Variants in MYEF2 observed in about 807,000 individuals in gnomAD.
MYEF2 encodes myelin gene expression factor 2.
In MYEF2, 37 loss-of-function variants were observed where a neutral mutation model predicts 75.2. The observed-to-expected ratio is 0.49, with a 90% confidence interval of 0.38 to 0.65. The LOEUF is 0.65. Among genes scored for constraint, MYEF2 ranks in the 30% least tolerant of loss-of-function variants. The pLI, the probability that MYEF2 is intolerant of heterozygous loss-of-function variation, is 0.00. For missense variants in MYEF2, 634 were observed against 771.4 expected, an observed-to-expected ratio of 0.82 and a Z score of 2.11; for synonymous variants, 195 against 241.6, an observed-to-expected ratio of 0.81 and a Z score of 1.79.
chr15:48,163,571 T>G (rs2040029896), intron 5 of MYEF2, among the ~76,000 whole-genome samples: 1 of 152,176 alleles, frequency 6.6e-6, no homozygotes, highest in Non-Finnish European at 1.5e-5. Context: ...CACTAAACAA[T>G]AGATTTTCAG....
rs956081681 is a variant in MYEF2, at chr15:48,141,190, G to T, written c.*1718C>A. 1 of 1,613,640 alleles carries T rather than the reference G, an allele frequency of 6.2e-7. No homozygotes were observed. Among genetic ancestry groups the T allele is most frequent in the African/African-American group, 1.3e-5 (1 of 74,906 alleles). On this transcript the variant is annotated 3_prime_UTR_variant, in exon 17 of 17. Transcript: ENST00000324324. ...AGGAACAAGCATACCAGACACAATT[G>T]CAAGTGTGTTGGTTGCAAGAAAAGG...
chr15:48,178,202 G>A lies in MYEF2; in HGVS notation c.36C>T (p.Ala12=). The change falls in exon 1 of 17, where the codon GCC becomes GCT. Residue 12 remains alanine (A), a synonymous_variant. Coordinates refer to ENST00000324324, the MANE Select transcript of MYEF2 (RefSeq NM_016132.5). ...ADANKAEVPG[A]TGGDSPHLQP... ...GCAGGTGCGGGCTGTCGCCACCAGT[G>A]GCCCCGGGCACCTCGGCCTTGTTGG... The A allele has an allele frequency of 6.7e-7, 1 of 1,495,888 alleles. No individual in the cohort carries two copies. Among genetic ancestry groups the A allele is most frequent in the South Asian group, 1.3e-5 (1 of 77,846 alleles). The allele number at this position is 1,495,888 out of a possible 1,614,324, so 92.7% of individuals were successfully genotyped here.
chr15:48,166,191 G>T, intron 3 of MYEF2, 63 bp from the exon 4 acceptor site: 1 of 1,314,134 alleles, frequency 7.6e-7, no homozygotes, highest in Non-Finnish European at 1.1e-6. Context: ...AGTACATGAA[G>T]TTAATAATCA....
intron 10 of MYEF2, 70 bp from the exon 11 acceptor site, chr15:48,152,354 T>C (rs2039522985): frequency 6.0e-6 from 8 of 1,322,472 alleles, no homozygotes; most frequent in Non-Finnish European, 8.6e-6. Flanking sequence ...ATATAATGCA[T>C]TATAGCAAAA....
intron 1 of MYEF2, chr15:48,169,950 A>C (rs2040265925): frequency 6.6e-6 from 1 of 152,164 alleles, no homozygotes; most frequent in Non-Finnish European, 1.5e-5. Context: ...ATAATACCGT[A>C]ATCACAATGC....
chr15:48,152,570 CT>C (rs1567248735), intron 10 of MYEF2: 10 of 329,826 alleles, frequency 3.0e-5, no homozygotes, highest in Non-Finnish European at 4.9e-5. Flanking sequence ...TAATCATTCA[CT>C]TTTTTTTCCA....
intron 12 of MYEF2, 45 bp downstream of exon 12, chr15:48,151,813 AAATATTAATAATAGGG>A: frequency 6.4e-7 from 1 of 1,556,494 alleles, no homozygotes; most frequent in East Asian, 2.2e-5. Context: ...TATAGGGGGG[AAATATTAATAATAGGG>A]AAAACTAAAT....
chr15:48,156,740 A>G (rs1321777919), intron 9 of MYEF2, among the ~76,000 whole-genome samples: 2 of 152,010 alleles, frequency 1.3e-5, no homozygotes, highest in Non-Finnish European at 2.9e-5. Flanking sequence ...AAGAAACTAG[A>G]GCTACATCTA....
chr15:48,136,486 T>C lies in MYEF2; in HGVS notation c.*6422A>G. On this transcript the variant is annotated 3_prime_UTR_variant, in exon 17 of 17. Coordinates refer to ENST00000324324, the MANE Select transcript of MYEF2 (RefSeq NM_016132.5). ...TAAAAAAAAAAAAACAACACAGAAG[T>C]GTCCAGCTTTTATCAATAAACATAA... The C allele has an allele frequency of 2.3e-6, 1 of 426,586 alleles. No individual in the cohort carries two copies. Among genetic ancestry groups the C allele is most frequent in the Non-Finnish European group, 4.0e-6 (1 of 250,678 alleles). 26.4% of individuals were successfully genotyped at this position (426,586 alleles called of 1,614,324 possible).
intron 9 of MYEF2, chr15:48,157,325 A>C (rs1452899563): frequency 6.6e-6 from 1 of 152,154 alleles, no homozygotes; most frequent in Admixed American, 6.6e-5. Context: ...ACACTGTTAT[A>C]GTCATTTTGG....
intron 12 of MYEF2, 47 bp from the exon 13 acceptor site, chr15:48,151,618 A>G (rs764314057): frequency 2.0e-6 from 3 of 1,484,502 alleles, no homozygotes; most frequent in South Asian, 2.4e-5. Flanking sequence ...ATATCAATAC[A>G]TGTTGAAAAC....
chr15:48,158,653 G>A, intron 7 of MYEF2, 116 bp downstream of exon 7: 5 of 1,245,132 alleles, frequency 4.0e-6, no homozygotes, highest in Non-Finnish European at 5.7e-6. Flanking sequence ...GGAGACTAAA[G>A]TCTAACACAC....
intron 1 of MYEF2, 150 bp downstream of exon 1, chr15:48,177,927 G>T: frequency 9.1e-7 from 1 of 1,096,914 alleles, no homozygotes; most frequent in Non-Finnish European, 1.3e-6. Context: ...GAGCGGCCCA[G>T]CTGCACCTGC....
At position 48,157,903 on chromosome 15, in the gene MYEF2, G is replaced by A. The variant is rs533411343; in HGVS notation, c.985+90C>T. 29 of 1,564,052 alleles carry A rather than the reference G, an allele frequency of 1.9e-5. 1 individual carries two copies. In the South Asian group the frequency reaches 3.4e-4, roughly 18 times the overall value. On this transcript the variant is annotated intron_variant, in intron 9 of 16. Transcript: ENST00000324324. ...CTAATCCCAAATTGTGAGAAACTAG[G>A]ATGTAGGCACAAAAACAAAGTGTTG...
Position 48,166,138 on chromosome 15 carries a change from G to A in MYEF2, c.424-10C>T. The A allele has an allele frequency of 6.4e-7, 1 of 1,562,984 alleles. No individual in the cohort carries two copies. The highest frequency in any genetic ancestry group is 2.3e-5 in the East Asian group (1 of 44,430). ...TTTCTTACCCACAACCCTATATCCA[G>A]GTAGATTTGTCAAAATATGCAAAAG... On this transcript the variant is annotated splice_polypyrimidine_tract_variant and intron_variant, in intron 3 of 16. Transcript: ENST00000324324.
intron 12 of MYEF2, 136 bp from the exon 13 acceptor site, chr15:48,151,707 C>T (rs2039498050): frequency 9.0e-7 from 1 of 1,116,958 alleles, no homozygotes; most frequent in South Asian, 1.4e-5. Context: ...CAATTTACCT[C>T]ACATGCCACA....
At position 48,141,959 on chromosome 15, in the gene MYEF2, T is replaced by G; in HGVS notation, c.*949A>C. On this transcript the variant is annotated 3_prime_UTR_variant, in exon 17 of 17. Coordinates refer to ENST00000324324, the MANE Select transcript of MYEF2 (RefSeq NM_016132.5). ...AACAAAAAAGTATCCAGTGTTTCTT[T>G]TCTTATGAAGATTATTAATAAAACA... 1 of 1,169,260 alleles carries G rather than the reference T, an allele frequency of 8.6e-7. No homozygotes were observed. The highest frequency in any genetic ancestry group is 2.2e-5 in the South Asian group (1 of 44,662). The allele number at this position is 1,169,260 out of a possible 1,614,324, so 72.4% of individuals were successfully genotyped here.
rs1274142347 is a variant in MYEF2 at position 48,135,048 on chromosome 15, A to AT, written c.*7859dup. On this transcript the variant is annotated 3_prime_UTR_variant, in exon 17 of 17. Transcript: ENST00000324324. ...TTTATGAATTTCTGATGGTTCAGTA[A>AT]TTTTTTTTCAGAAATGTTATTTCAG... is the stretch of plus-strand genomic sequence containing the variant. 37 of 1,305,820 alleles carry AT rather than the reference A, an allele frequency of 2.8e-5. No individual in the cohort carries two copies. The highest frequency in any genetic ancestry group is 5.0e-5 in the South Asian group (4 of 80,082). 80.9% of individuals were successfully genotyped at this position (1,305,820 alleles called of 1,614,324 possible).
At chr15:48,166,077 A>G in intron 4 of MYEF2, 44 bp downstream of exon 4, 2 of 1,579,342 alleles carry the variant, frequency 1.3e-6, no homozygotes, top group Non-Finnish European at 1.7e-6. Context: ...ATTTTTTTCC[A>G]AAGTTTAATT....
Sources: allele counts gnomAD v4.1 joint callset (sites outside exome capture counted in the v4.1 genomes callset), GRCh38; gene constraint gnomAD v4.1.1; transcripts MANE v1.5; gene names NCBI Gene and HGNC (gene_info 2026-07-23, HGNC 2026-07-21).